Variants in ANO3 observed in about 807,000 individuals in gnomAD.
ANO3 encodes the protein anoctamin 3.
A neutral mutation model predicts 144.8 loss-of-function variants in ANO3; 99 were observed. The observed-to-expected ratio is 0.68, with a 90% CI of 0.58 to 0.81. ANO3 has a LOEUF of 0.81. ANO3 is among the 30% of genes least tolerant of loss of function. The pLI is 0.00. For missense variants in ANO3, 905 were observed against 1,202.2 expected (o/e 0.75, Z 3.66); for synonymous variants, 414 against 392.6 (o/e 1.05, Z -0.64).
At chr11:26,595,384 A>G (rs1456365777) in intron 14 of ANO3, among the ~76,000 whole-genome samples, 1 of 151,234 alleles carries the variant, frequency 6.6e-6, no homozygotes, top group African/African-American at 2.4e-5. Flanking sequence ...ATTCATTCCC[A>G]TAAACAACAG....
chr11:26,449,584 A>T lies in ANO3; in HGVS notation c.313+5748A>T, dbSNP rs115455700. Among the ~76,000 whole-genome samples the T allele has an allele frequency of 9.6e-4, 145 of 151,168 alleles. 1 individual carries two copies. The highest frequency in any genetic ancestry group is 3.4e-3 in the African/African-American group (139 of 41,138). ...CCCTGTTTTTGCTCTCTGTGATGTC[A>T]TTTATCACTGTGAGTTTTCTCACTA... On this transcript the variant is annotated intron_variant, in intron 3 of 26. Transcript: ENST00000256737.
In ANO3 at chr11:26,319,422, A is replaced by G. The variant is rs968135752; in HGVS notation, c.-3+9703A>G. Among the ~76,000 whole-genome samples, 4 of 152,244 alleles carry G rather than the reference A, an allele frequency of 2.6e-5. No individual in the cohort carries two copies. The East Asian group carries it at 7.7e-4, about 29-fold the overall frequency. On this transcript the variant is annotated intron_variant, in intron 1 of 26. Transcript: ENST00000525139. ...GTTTTCTACCTCCTCAAATAATTGG[A>G]CAGACTTCATGGTAGGATAAACCAT...
At chr11:26,371,130 A>AG (rs1315949375) in intron 1 of ANO3, among the ~76,000 whole-genome samples, 1 of 152,146 alleles carries the variant, frequency 6.6e-6, no homozygotes, top group East Asian at 1.9e-4. Context: ...GACCAGGCCA[A>AG]GGGGCATCCA....
At chr11:26,359,497 A>G (rs2349815) in intron 1 of ANO3, among the ~76,000 whole-genome samples, 2,503 of 152,094 alleles carry the variant, frequency 0.016, 24 homozygotes, top group Non-Finnish European at 0.026. Context: ...GTACATGTAT[A>G]TACTGATCAA....
chr11:26,597,350 A>G (rs1851664004), intron 14 of ANO3, among the ~76,000 whole-genome samples: 1 of 152,170 alleles, frequency 6.6e-6, no homozygotes, highest in Non-Finnish European at 1.5e-5. Context: ...TCACAGAAGG[A>G]ACCATGGAAC....
intron 14 of ANO3, among the ~76,000 whole-genome samples, chr11:26,572,865 G>A (rs1850880954): frequency 6.6e-6 from 1 of 152,098 alleles, no homozygotes; most frequent in African/African-American, 2.4e-5. Flanking sequence ...TATCCTAGGA[G>A]CCTTCTCGAT....
At chr11:26,360,394 T>G (rs1855895645) in intron 1 of ANO3, among the ~76,000 whole-genome samples, 1 of 152,112 alleles carries the variant, frequency 6.6e-6, no homozygotes, top group African/African-American at 2.4e-5. Context: ...ATAGAGATTT[T>G]TAAAAATTCC....
chr11:26,281,854 C>T lies in ANO3; in HGVS notation c.155-27791C>T, dbSNP rs541196109. On this transcript the variant is annotated intron_variant, in intron 1 of 27. Coordinates refer to the ANO3 transcript ENST00000672621. ...TTGAAGACATTCAGGCAAATGTCTT[C>T]AAGAAGCTCCTCATCTCTTTTGGAA... is the stretch of plus-strand genomic sequence containing the variant. 9.2e-5 allele frequency among the ~76,000 whole-genome samples: 14 copies of T among 152,210 alleles called. No individual in the cohort carries two copies. The South Asian group carries it at 1.7e-3, about 18-fold the overall frequency.
At chr11:26,248,896 A>G (rs1438513258) in intron 1 of ANO3, among the ~76,000 whole-genome samples, 1 of 152,132 alleles carries the variant, frequency 6.6e-6, no homozygotes, top group East Asian at 1.9e-4. Context: ...ATATTCAAAT[A>G]GGAATTCGAA....
intron 17 of ANO3, 84 bp downstream of exon 17, chr11:26,599,798 TA>T (rs1220684431): frequency 3.1e-5 from 39 of 1,278,108 alleles, no homozygotes; most frequent in Admixed American, 5.3e-5. Context: ...ATTTGAAATG[TA>T]TTTACATGGA....
intron 1 of ANO3, among the ~76,000 whole-genome samples, chr11:26,417,196 A>G (rs1857614994): frequency 6.6e-6 from 1 of 152,118 alleles, no homozygotes; most frequent in South Asian, 2.1e-4. Flanking sequence ...AACTAAAGCA[A>G]AAATAAGTAA....
At chr11:26,486,001 A>G (rs1350949946) in intron 4 of ANO3, among the ~76,000 whole-genome samples, 1 of 152,182 alleles carries the variant, frequency 6.6e-6, no homozygotes, top group East Asian at 1.9e-4. Flanking sequence ...AATGAAAAAT[A>G]ACCTTGCCTT....
intron 1 of ANO3, among the ~76,000 whole-genome samples, chr11:26,244,573 A>C (rs1176309680): frequency 2.0e-5 from 3 of 152,214 alleles, no homozygotes; most frequent in African/African-American, 7.2e-5. Context: ...GCCAGAAGCT[A>C]TTCTGTATTT....
chr11:26,212,633 C>T (rs974759354), intron 1 of ANO3, among the ~76,000 whole-genome samples: 2 of 151,972 alleles, frequency 1.3e-5, no homozygotes, highest in African/African-American at 4.8e-5. Context: ...GAAATTGAAT[C>T]AGTAATTAGT....
intron 1 of ANO3, among the ~76,000 whole-genome samples, chr11:26,264,106 C>G (rs550043865): frequency 4.1e-4 from 63 of 152,236 alleles, no homozygotes; most frequent in African/African-American, 1.4e-3. Flanking sequence ...GGGGTAGGGC[C>G]CATGTGGGCT....
At chr11:26,545,047 T>G (rs2134212592) in intron 11 of ANO3, among the ~76,000 whole-genome samples, 1 of 152,144 alleles carries the variant, frequency 6.6e-6, no homozygotes, top group Middle Eastern at 3.4e-3. Flanking sequence ...AACATGGATG[T>G]TAAACTATTT....
chr11:26,391,112 TA>T (rs1034436720), intron 1 of ANO3, among the ~76,000 whole-genome samples: 2 of 151,624 alleles, frequency 1.3e-5, no homozygotes, highest in East Asian at 1.9e-4. Context: ...ATTTACGAAT[TA>T]AAAAAAAATA....
Position 26,624,878 on chromosome 11 carries a change from A to G in ANO3, c.1873+380A>G, listed in dbSNP as rs149010840. On this transcript the variant is annotated intron_variant, in intron 18 of 26. Transcript: ENST00000256737. ...ACAATGAAAACCAGTACTTTACCAC[A>G]TCACCCATTCCTATTTTCTATACCA... Among the ~76,000 whole-genome samples the G allele has an allele frequency of 1.9e-4, 29 of 152,054 alleles. No individual in the cohort carries two copies. In the East Asian group the frequency reaches 4.9e-3, roughly 25 times the overall value.
chr11:26,579,337 G>C (rs1851071331), intron 14 of ANO3, among the ~76,000 whole-genome samples: 1 of 152,210 alleles, frequency 6.6e-6, no homozygotes, highest in Non-Finnish European at 1.5e-5. Context: ...AGTGAGGAGA[G>C]AGTGAGATGC....
Sources: allele counts gnomAD v4.1 joint callset (sites outside exome capture counted in the v4.1 genomes callset), GRCh38; gene constraint gnomAD v4.1.1; transcripts MANE v1.5; gene names NCBI Gene and HGNC (gene_info 2026-07-23, HGNC 2026-07-21).